Variants in FAM178B observed in about 807,000 individuals in gnomAD.
FAM178B encodes protein FAM178B.
FAM178B carries 82 observed loss-of-function variants against 91.7 expected under a neutral mutation model. That is an observed-to-expected ratio of 0.89 (90% CI 0.75 to 1.07). The LOEUF (loss-of-function observed/expected upper bound fraction) is 1.07, where lower values mean the gene tolerates loss of function less well. FAM178B is among the 50% of genes least tolerant of loss of function. FAM178B has a pLI of 0.00. For missense variants in FAM178B, 769 were observed against 846.7 expected (o/e 0.91, Z 1.14); for synonymous variants, 368 against 359.4 (o/e 1.02, Z -0.27).
chr2:96,910,820 A>G (rs2081141558), intron 12 of FAM178B, among the ~76,000 whole-genome samples: 1 of 143,462 alleles, frequency 7.0e-6, no homozygotes, highest in Admixed American at 7.0e-5. Flanking sequence ...TTTTTTTGAG[A>G]CAGTCTTGCT....
intron 9 of FAM178B, among the ~76,000 whole-genome samples, chr2:96,927,722 G>A (rs1055744575): frequency 3.9e-5 from 6 of 152,194 alleles, no homozygotes; most frequent in Admixed American, 2.0e-4. Context: ...TGGGAGAACC[G>A]GGAGGCAGTG....
chr2:96,933,109 A>G (rs188703654), intron 8 of FAM178B, among the ~76,000 whole-genome samples: 305 of 133,544 alleles, frequency 2.3e-3, no homozygotes, highest in Admixed American at 4.1e-3. Flanking sequence ...CGGGCGTGGT[A>G]GTGCACGCCT....
Position 96,960,435 on chromosome 2 carries a change from A to G in FAM178B, c.740T>C (p.Leu247Pro). ...CAGGGACACTGAGTACTTTTCCACC[A>G]GCATCCTGGCAAGGCAAGGGGCAGG... ...EVPLTPEHRM[L>P]VEKYSVSLQT... Residue 247 changes from leucine (L) to proline (P), a missense_variant, in exon 6 of 17, where the codon CTG becomes CCG. Leu to Pro is a moderately conservative substitution (Grantham distance 98). Transcript: ENST00000490605. 6.5e-7 allele frequency: 1 copy of G among 1,541,754 alleles called. No homozygotes were observed. Among genetic ancestry groups the G allele is most frequent in the Non-Finnish European group, 8.8e-7 (1 of 1,140,398 alleles).
rs2082342742 is a variant in FAM178B, at chr2:96,980,100, G to C, written c.73+6141C>G. Reference sequence around the variant, plus strand: ...TTTTTGTTTGTTTTTTTGAGACAGAGTCTCTCTCTGTCACCCAGGCTGGAG... The same window carrying C: ...TTTTTGTTTGTTTTTTTGAGACAGACTCTCTCTCTGTCACCCAGGCTGGAG... On this transcript the variant is annotated intron_variant, in intron 1 of 16. Transcript: ENST00000490605. 2.0e-5 allele frequency among the ~76,000 whole-genome samples: 3 copies of C among 152,096 alleles called. No homozygotes were observed. In the South Asian group the frequency reaches 6.2e-4, roughly 32 times the overall value.
intron 12 of FAM178B, among the ~76,000 whole-genome samples, chr2:96,910,919 C>T (rs1436980563): frequency 6.6e-6 from 1 of 151,792 alleles, no homozygotes; most frequent in Non-Finnish European, 1.5e-5. Context: ...AGGTGCACAC[C>T]ACAATGCCCG....
intron 9 of FAM178B, among the ~76,000 whole-genome samples, chr2:96,928,202 G>A (rs2081478729): frequency 6.6e-6 from 1 of 152,196 alleles, no homozygotes; most frequent in Admixed American, 6.5e-5. Context: ...CTGACGGATT[G>A]TCAGCGGGAA....
chr2:96,966,841 G>T (rs1338367530), intron 5 of FAM178B, among the ~76,000 whole-genome samples: 1 of 152,116 alleles, frequency 6.6e-6, no homozygotes, highest in African/African-American at 2.4e-5. Context: ...AGAGACTTAG[G>T]CAGTCTGCAA....
rs2153371204 is a variant in FAM178B at position 96,924,862 on chromosome 2, C to T, written c.1194-1279G>A. ...GGCACAGGGGAGGAAGAGCACTGTC[C>T]TACAGCTCCTGTGAAGTCTCTGCTC... On this transcript the variant is annotated intron_variant, in intron 9 of 16. Transcript: ENST00000490605. Among the ~76,000 whole-genome samples the T allele has an allele frequency of 2.0e-5, 3 of 152,220 alleles. 1 individual carries two copies. The Middle Eastern group carries it at 0.01, about 518-fold the overall frequency.
At chr2:96,949,214 GAA>G (rs962008025) in intron 7 of FAM178B, among the ~76,000 whole-genome samples, 1 of 152,186 alleles carries the variant, frequency 6.6e-6, no homozygotes, top group African/African-American at 2.4e-5. Context: ...CCCTGAGAGA[GAA>G]CTCAGGCTGT....
intron 14 of FAM178B, among the ~76,000 whole-genome samples, chr2:96,892,433 A>T: frequency 6.6e-6 from 1 of 152,188 alleles, no homozygotes; most frequent in Non-Finnish European, 1.5e-5. Flanking sequence ...GCCGAGCTGC[A>T]CGGTGCCTCC....
At chr2:96,888,496 T>A (rs893049320) in intron 14 of FAM178B, among the ~76,000 whole-genome samples, 3 of 152,226 alleles carry the variant, frequency 2.0e-5, no homozygotes, top group Non-Finnish European at 4.4e-5. Flanking sequence ...GAGTTGAGCA[T>A]GCCAGCAAGA....
intron 12 of FAM178B, among the ~76,000 whole-genome samples, chr2:96,913,710 A>G (rs2153370246): frequency 6.6e-6 from 1 of 152,288 alleles, no homozygotes; most frequent in South Asian, 2.1e-4. Flanking sequence ...ACATAAGAAC[A>G]CTGAGAGGAT....
chr2:96,894,297 C>G lies in FAM178B; in HGVS notation c.1651-246G>C, dbSNP rs537100486. Reference sequence around the variant, plus strand: ...CCAAACATACCCAGCTCCCCCACGCCCCACCCACACACACACAGACCCACA... The same window carrying G: ...CCAAACATACCCAGCTCCCCCACGCGCCACCCACACACACACAGACCCACA... On this transcript the variant is annotated intron_variant, in intron 13 of 16. Transcript: ENST00000490605. Among the ~76,000 whole-genome samples, 24 of 151,188 alleles carry G rather than the reference C, an allele frequency of 1.6e-4. 1 individual carries two copies. Among genetic ancestry groups the G allele is most frequent in the African/African-American group, 5.8e-4 (24 of 41,102 alleles).
At chr2:96,925,689 GC>G (rs1204868177) in intron 9 of FAM178B, among the ~76,000 whole-genome samples, 1 of 152,120 alleles carries the variant, frequency 6.6e-6, no homozygotes, top group Non-Finnish European at 1.5e-5. Context: ...AGGGTCTGTG[GC>G]CAGCACCTAG....
intron 9 of FAM178B, among the ~76,000 whole-genome samples, chr2:96,925,364 C>T (rs964607634): frequency 1.3e-5 from 2 of 152,150 alleles, no homozygotes; most frequent in African/African-American, 2.4e-5. Context: ...CAAGTGAATG[C>T]CTGGCTGGTC....
At chr2:96,979,025 G>C (rs577244162) in intron 1 of FAM178B, among the ~76,000 whole-genome samples, 381 of 141,918 alleles carry the variant, frequency 2.7e-3, no homozygotes, top group Non-Finnish European at 4.1e-3. Context: ...TTGCCAGGCT[G>C]GAGTGCAGTG....
At chr2:96,945,749 T>G (rs1024374272) in intron 8 of FAM178B, among the ~76,000 whole-genome samples, 1 of 152,234 alleles carries the variant, frequency 6.6e-6, no homozygotes, top group Non-Finnish European at 1.5e-5. Flanking sequence ...GAAATGGCAG[T>G]TGATCTTTAG....
intron 1 of FAM178B, among the ~76,000 whole-genome samples, chr2:96,983,253 CTG>C (rs1441942510): frequency 6.6e-6 from 1 of 151,956 alleles, no homozygotes; most frequent in Non-Finnish European, 1.5e-5. Flanking sequence ...AAATGTGTGT[CTG>C]TGTGTGCATA....
At chr2:96,968,963 T>C (rs1216510780) in intron 4 of FAM178B, among the ~76,000 whole-genome samples, 3 of 152,164 alleles carry the variant, frequency 2.0e-5, no homozygotes, top group Non-Finnish European at 4.4e-5. Context: ...TATCCACCTT[T>C]ACATGTGCAG....
Sources: gnomAD v4.1 joint callset for allele counts (sites outside exome capture counted in the v4.1 genomes callset) on GRCh38, gnomAD v4.1.1 for gene constraint, MANE v1.5 for transcripts, NCBI Gene and HGNC (gene_info 2026-07-23, HGNC 2026-07-21) for gene names.